The following HYCC1 variants were observed in gnomAD, a reference collection of about 807,000 sequenced individuals.
HYCC1 encodes hyccin.
At chr7:22,964,638 T>A in the HYCC1 span, 2 of 680,364 alleles carry the variant, frequency 2.9e-6, no homozygotes, top group Non-Finnish European at 5.3e-6. Context: ...ATAACAAACC[T>A]AATATTTATG....
the HYCC1 span, chr7:22,943,749 T>A: frequency 1.3e-5 from 2 of 152,742 alleles, no homozygotes; most frequent in South Asian, 4.1e-4. Context: ...ACAGTGATAT[T>A]TTACAAATAT....
At chr7:22,907,837 G>A in the HYCC1 span, among the ~76,000 whole-genome samples, 173 of 152,268 alleles carry the variant, frequency 1.1e-3, no homozygotes, top group Middle Eastern at 3.4e-3. Flanking sequence ...GCTTGAACCC[G>A]GGAGGCGGAA....
At chr7:22,990,637 G>T in the HYCC1 span, among the ~76,000 whole-genome samples, 1 of 152,138 alleles carries the variant, frequency 6.6e-6, no homozygotes, top group Non-Finnish European at 1.5e-5. Flanking sequence ...ATAGCCACTG[G>T]GTTAGCCAAC....
the HYCC1 span, among the ~76,000 whole-genome samples, chr7:22,968,131 C>T: frequency 6.6e-6 from 1 of 152,244 alleles, no homozygotes; most frequent in African/African-American, 2.4e-5. Flanking sequence ...GCAATTTTAG[C>T]TAGGAATGCC....
chr7:22,918,283 A>G, the HYCC1 span, among the ~76,000 whole-genome samples: 1 of 152,086 alleles, frequency 6.6e-6, no homozygotes, highest in Non-Finnish European at 1.5e-5. Flanking sequence ...TAGCTTCTCA[A>G]TTCATACAAA....
At chr7:23,002,152 A>ATATATATATACACAAT in the HYCC1 span, among the ~76,000 whole-genome samples, 28 of 23,610 alleles carry the variant, frequency 1.2e-3, no homozygotes, top group Middle Eastern at 0.017. Context: ...ATATATATAT[A>ATATATATATACACAAT]TATATATATA....
At chr7:22,916,881 A>G in the HYCC1 span, among the ~76,000 whole-genome samples, 1 of 152,176 alleles carries the variant, frequency 6.6e-6, no homozygotes, top group Non-Finnish European at 1.5e-5. Flanking sequence ...ATGTGTTAAT[A>G]TTTATACTGA....
At chr7:23,010,499 A>G in the HYCC1 span, among the ~76,000 whole-genome samples, 2 of 152,196 alleles carry the variant, frequency 1.3e-5, no homozygotes, top group Non-Finnish European at 2.9e-5. Flanking sequence ...CACAAAGTAG[A>G]CAGTGGTTTC....
the HYCC1 span, among the ~76,000 whole-genome samples, chr7:23,003,420 A>G: frequency 1.4e-4 from 21 of 152,182 alleles, no homozygotes; most frequent in Non-Finnish European, 2.4e-4. Flanking sequence ...ATCAGAATAT[A>G]AACAATAAAA....
At chr7:22,900,200 G>A in the HYCC1 span, among the ~76,000 whole-genome samples, 1 of 152,078 alleles carries the variant, frequency 6.6e-6, no homozygotes, top group Admixed American at 6.6e-5. Flanking sequence ...TAATTAAAGG[G>A]AAATAACAAC....
the HYCC1 span, chr7:22,983,993 C>T: frequency 1.2e-6 from 2 of 1,609,616 alleles, no homozygotes; most frequent in Non-Finnish European, 8.5e-7. Context: ...AACTAAAGAA[C>T]TCTTGTCTTT....
the HYCC1 span, among the ~76,000 whole-genome samples, chr7:22,969,813 C>T: frequency 7.2e-5 from 11 of 152,134 alleles, no homozygotes; most frequent in Admixed American, 1.3e-4. Flanking sequence ...TGTGAGCCAC[C>T]GCATCTGGCC....
chr7:22,973,510 T>C, the HYCC1 span, among the ~76,000 whole-genome samples: 1 of 152,196 alleles, frequency 6.6e-6, no homozygotes, highest in Non-Finnish European at 1.5e-5. Flanking sequence ...TCCTCTAATA[T>C]AACACATTGT....
the HYCC1 span, among the ~76,000 whole-genome samples, chr7:22,931,772 G>A: frequency 1.3e-5 from 2 of 152,250 alleles, no homozygotes; most frequent in African/African-American, 4.8e-5. Flanking sequence ...TGGAGGAAAG[G>A]TGATTACTGT....
At chr7:23,011,503 C>A in the HYCC1 span, among the ~76,000 whole-genome samples, 1 of 152,166 alleles carries the variant, frequency 6.6e-6, no homozygotes, top group Non-Finnish European at 1.5e-5. Context: ...GTGATTAGGA[C>A]TTGTTAGTTT....
the HYCC1 span, among the ~76,000 whole-genome samples, chr7:22,955,292 T>G: frequency 6.6e-6 from 1 of 151,314 alleles, no homozygotes; most frequent in Non-Finnish European, 1.5e-5. Context: ...AAAAACTTAT[T>G]AAGAATATAC....
chr7:22,992,194 C>G, the HYCC1 span, among the ~76,000 whole-genome samples: 3 of 151,850 alleles, frequency 2.0e-5, no homozygotes, highest in Non-Finnish European at 2.9e-5. Context: ...CCAGATATGC[C>G]TTAATGAACA....
the HYCC1 span, among the ~76,000 whole-genome samples, chr7:22,975,124 T>A: frequency 6.6e-6 from 1 of 152,322 alleles, no homozygotes; most frequent in East Asian, 1.9e-4. Context: ...ATTCCTCAAA[T>A]AGAAATTATT....
the HYCC1 span, among the ~76,000 whole-genome samples, chr7:22,983,471 C>T: frequency 5.9e-5 from 9 of 152,284 alleles, no homozygotes; most frequent in African/African-American, 2.2e-4. Flanking sequence ...CCTCCGTATA[C>T]TATCCCCACT....
Sources: allele counts gnomAD v4.1 joint callset (sites outside exome capture counted in the v4.1 genomes callset), GRCh38; gene constraint gnomAD v4.1.1; transcripts MANE v1.5; gene names NCBI Gene and HGNC (gene_info 2026-07-23, HGNC 2026-07-21).